Variants in SAMSN1 observed in about 807,000 individuals in gnomAD.
The protein encoded by SAMSN1 is SAM domain-containing protein SAMSN-1.
Under a neutral mutation model 42.0 loss-of-function variants are expected in SAMSN1, and 31 were observed. That is an observed-to-expected ratio of 0.74 (90% CI 0.55 to 1.00). The LOEUF (loss-of-function observed/expected upper bound fraction) is 1.00, where lower values mean the gene tolerates loss of function less well. SAMSN1 is among the 50% of genes least tolerant of loss of function. SAMSN1 has a pLI of 0.00. For synonymous variants in SAMSN1, 178 were observed against 151.9 expected (o/e 1.17, Z -1.26); for missense variants, 464 against 439.4 (o/e 1.06, Z -0.50).
chr21:14,602,547 T>C (rs1032740736), intron 5 of SAMSN1, among the ~76,000 whole-genome samples: 7 of 152,266 alleles, frequency 4.6e-5, no homozygotes, highest in South Asian at 4.1e-4. Flanking sequence ...AATTGTTCTA[T>C]GCATGCTTTA....
chr21:14,580,632 G>A (rs7276803), intron 2 of SAMSN1, among the ~76,000 whole-genome samples: 1 of 152,226 alleles, frequency 6.6e-6, no homozygotes, highest in Admixed American at 6.5e-5. Context: ...TCATCAGTTC[G>A]AAGTCTGTTA....
At chr21:14,576,878 C>G (rs1981482969) in intron 2 of SAMSN1, among the ~76,000 whole-genome samples, 1 of 151,842 alleles carries the variant, frequency 6.6e-6, no homozygotes, top group African/African-American at 2.4e-5. Context: ...GTAAGCAGGT[C>G]TCTGTTCTGT....
chr21:14,513,185 C>T (rs567225666), intron 3 of SAMSN1, among the ~76,000 whole-genome samples: 1 of 152,280 alleles, frequency 6.6e-6, no homozygotes, highest in African/African-American at 2.4e-5. Context: ...ATTATATTTT[C>T]TTGAAAACAT....
chr21:14,621,675 C>T (rs903170431), intron 2 of SAMSN1, among the ~76,000 whole-genome samples: 2 of 152,210 alleles, frequency 1.3e-5, no homozygotes, highest in Non-Finnish European at 2.9e-5. Flanking sequence ...GCCTGCCTGC[C>T]TCTGTAGACT....
intron 7 of SAMSN1, among the ~76,000 whole-genome samples, chr21:14,496,748 C>T (rs1453654195): frequency 6.6e-6 from 1 of 152,178 alleles, no homozygotes; most frequent in Non-Finnish European, 1.5e-5. Flanking sequence ...TTTGCATCTC[C>T]CAGCCTCACA....
chr21:14,555,504 A>G (rs1192312218), intron 2 of SAMSN1, among the ~76,000 whole-genome samples: 1 of 152,190 alleles, frequency 6.6e-6, no homozygotes, highest in African/African-American at 2.4e-5. Flanking sequence ...TGTCAATACC[A>G]CCCCTACCTT....
chr21:14,521,332 G>C (rs1220957462), intron 1 of SAMSN1, 111 bp from the exon 2 acceptor site: 11 of 641,956 alleles, frequency 1.7e-5, no homozygotes, highest in Non-Finnish European at 3.0e-5. Context: ...GCAAATACAG[G>C]CTTTAAAAAG....
chr21:14,550,534 A>G (rs1191755873), upstream of SAMSN1, among the ~76,000 whole-genome samples: 1 of 152,080 alleles, frequency 6.6e-6, no homozygotes, highest in African/African-American at 2.4e-5. Flanking sequence ...CATATCTATC[A>G]CCAGGATTAA....
chr21:14,607,242 T>C (rs991152952), intron 5 of SAMSN1, among the ~76,000 whole-genome samples: 11 of 152,194 alleles, frequency 7.2e-5, no homozygotes, highest in African/African-American at 2.7e-4. Flanking sequence ...GAAACTACTC[T>C]TAAGTAGTTA....
chr21:14,627,055 C>T (rs1032016119), intron 2 of SAMSN1, among the ~76,000 whole-genome samples: 1 of 152,094 alleles, frequency 6.6e-6, no homozygotes, highest in African/African-American at 2.4e-5. Context: ...CATGTTCTCA[C>T]TCATAGGTGG....
chr21:14,645,426 T>C (rs559677754), intron 1 of SAMSN1, among the ~76,000 whole-genome samples: 13 of 152,372 alleles, frequency 8.5e-5, no homozygotes, highest in Middle Eastern at 3.4e-3. Context: ...ATGAGGTACT[T>C]TGAGTCTGCA....
intron 5 of SAMSN1, chr21:14,609,431 T>A (rs910965766): frequency 2.8e-6 from 2 of 716,380 alleles, no homozygotes; most frequent in Non-Finnish European, 5.2e-6. Flanking sequence ...ACCTGCCCTT[T>A]AAACTACTTT....
chr21:14,491,380 T>C (rs1986678218), intron 7 of SAMSN1, among the ~76,000 whole-genome samples: 1 of 152,082 alleles, frequency 6.6e-6, no homozygotes, highest in Non-Finnish European at 1.5e-5. Flanking sequence ...AGTGGTGGGA[T>C]TACAGGCATA....
upstream of SAMSN1, among the ~76,000 whole-genome samples, chr21:14,658,997 G>A (rs1983958421): frequency 6.6e-6 from 1 of 152,012 alleles, no homozygotes; most frequent in African/African-American, 2.4e-5. Flanking sequence ...TAACATGAGA[G>A]AATGAGACTT....
chr21:14,538,787 A>G (rs879503095), intron 1 of SAMSN1, among the ~76,000 whole-genome samples: 1 of 152,194 alleles, frequency 6.6e-6, no homozygotes, highest in South Asian at 2.1e-4. Context: ...AGTCATTGCT[A>G]GTGAAAATTA....
At chr21:14,583,409 G>A, upstream of SAMSN1, 1 of 430,822 alleles carries the variant, frequency 2.3e-6, no homozygotes, top group Non-Finnish European at 4.2e-6. Flanking sequence ...TTCCTCCATT[G>A]CTCTCTCTCA....
At chr21:14,499,491 CAAAAA>C (rs11301197) in intron 6 of SAMSN1, among the ~76,000 whole-genome samples, 5 of 133,834 alleles carry the variant, frequency 3.7e-5, no homozygotes, top group Non-Finnish European at 6.5e-5. Flanking sequence ...CCCTTTTTAA[CAAAAA>C]AAAAAAAAAA....
intron 1 of SAMSN1, among the ~76,000 whole-genome samples, chr21:14,645,128 C>T (rs73180530): frequency 0.025 from 3,819 of 152,288 alleles, 73 homozygotes; most frequent in Non-Finnish European, 0.041. Flanking sequence ...ACAGGATTTG[C>T]CACCTGCTGA....
chr21:14,654,842 G>T (rs191895090), intron 1 of SAMSN1, among the ~76,000 whole-genome samples: 129 of 151,752 alleles, frequency 8.5e-4, no homozygotes, highest in African/African-American at 3.1e-3. Context: ...GCAAGGCGAA[G>T]AAGCCAGGAA....
Sources: allele counts gnomAD v4.1 joint callset (sites outside exome capture counted in the v4.1 genomes callset), GRCh38; gene constraint gnomAD v4.1.1; transcripts MANE v1.5; gene names NCBI Gene and HGNC (gene_info 2026-07-23, HGNC 2026-07-21).